PLCB1: variants seen among roughly 807,000 people sequenced by gnomAD.
The protein encoded by PLCB1 is 1-phosphatidylinositol 4,5-bisphosphate phosphodiesterase beta-1.
Under a neutral mutation model 161.8 loss-of-function variants are expected in PLCB1, and 46 were observed. The observed-to-expected ratio is 0.28, with a 90% CI of 0.22 to 0.36. PLCB1 has a LOEUF of 0.36. Among genes scored for constraint, PLCB1 ranks in the 10% least tolerant of loss-of-function variants. The pLI is 1.00. For missense variants in PLCB1, 1,016 were observed against 1,472.5 expected, an observed-to-expected ratio of 0.69 and a Z score of 5.07; for synonymous variants, 517 against 503.7, an observed-to-expected ratio of 1.03 and a Z score of -0.35.
At chr20:8,416,094 A>G (rs73897476) in intron 3 of PLCB1, among the ~76,000 whole-genome samples, 2,873 of 152,328 alleles carry the variant, frequency 0.019, 102 homozygotes, top group African/African-American at 0.066. Context: ...AGGTTAAGGA[A>G]TCTCCAAAAC....
In PLCB1 at chr20:8,883,653, C is replaced by CA. The variant is rs2146340016; in HGVS notation, c.*1808dup. On this transcript the variant is annotated 3_prime_UTR_variant, in exon 32 of 32. Transcript: ENST00000338037. ...CTAGAGATTACAATTAAATTTTAAT[C>CA]AAAATGAAGGCTTAGTTCAAACATA... is the stretch of plus-strand genomic sequence containing the variant. 6.6e-6 allele frequency: 1 copy of CA among 151,516 alleles called. No individual in the cohort carries two copies. The highest frequency in any genetic ancestry group is 2.1e-4 in the South Asian group (1 of 4,748). 9.4% of individuals were successfully genotyped at this position (151,516 alleles called of 1,614,324 possible). A position where few individuals can be genotyped will look rare whatever the true frequency, so the allele number is the denominator to read the frequency against.
chr20:8,542,910 T>G lies in PLCB1; in HGVS notation c.247-85384T>G, dbSNP rs113043700. On this transcript the variant is annotated intron_variant, in intron 3 of 31. Coordinates refer to ENST00000338037, the MANE Select transcript of PLCB1 (RefSeq NM_015192.4). ...TTCCTTATATTTAAAAGTCATTCAC[T>G]CATGTATTCATTTGGCCACAGACTA... Among the ~76,000 whole-genome samples the G allele has an allele frequency of 6.1e-3, 930 of 152,314 alleles. 8 individuals carry two copies. The highest frequency in any genetic ancestry group is 0.021 in the African/African-American group (865 of 41,570).
intron 2 of PLCB1, among the ~76,000 whole-genome samples, chr20:8,288,760 A>G (rs1374893158): frequency 2.6e-5 from 4 of 152,150 alleles, no homozygotes; most frequent in Non-Finnish European, 5.9e-5. Context: ...TGGGGCACGG[A>G]AGTACTAACT....
rs1212542325 is a variant in PLCB1 at position 8,744,773 on chromosome 20, T to G, written c.2523+3200T>G. ...TTTACTAATGGTGCTTCAGAGATCA[T>G]TTCTGTAATGACTAGGGGAAAATGT... On this transcript the variant is annotated intron_variant, in intron 23 of 31. Coordinates refer to ENST00000338037, the MANE Select transcript of PLCB1 (RefSeq NM_015192.4). Among the ~76,000 whole-genome samples, 4 of 152,192 alleles carry G rather than the reference T, an allele frequency of 2.6e-5. No individual in the cohort carries two copies. The East Asian group carries it at 7.7e-4, about 29-fold the overall frequency.
At chr20:8,721,790 C>T (rs796416824) in intron 14 of PLCB1, among the ~76,000 whole-genome samples, 7 of 152,288 alleles carry the variant, frequency 4.6e-5, no homozygotes, top group African/African-American at 1.7e-4. Flanking sequence ...GCCAAAGCCC[C>T]AGAGTTCCTG....
intron 9 of PLCB1, among the ~76,000 whole-genome samples, chr20:8,662,675 C>T (rs905007559): frequency 6.7e-6 from 1 of 149,986 alleles, no homozygotes; most frequent in African/African-American, 2.4e-5. Context: ...ATCACCTGAG[C>T]CGTTGTTAAA....
At chr20:8,373,675 G>C (rs2122352778) in intron 3 of PLCB1, among the ~76,000 whole-genome samples, 1 of 152,194 alleles carries the variant, frequency 6.6e-6, no homozygotes, top group South Asian at 2.1e-4. Context: ...CTAAATATTA[G>C]CCAATATTGT....
chr20:8,358,374 G>A (rs562756185), intron 2 of PLCB1, among the ~76,000 whole-genome samples: 2 of 152,052 alleles, frequency 1.3e-5, no homozygotes, highest in Admixed American at 6.6e-5. Context: ...TCAGCCTCCC[G>A]AGTAGCTGGG....
intron 2 of PLCB1, among the ~76,000 whole-genome samples, chr20:8,247,637 C>T (rs577859855): frequency 4.3e-4 from 65 of 150,308 alleles, no homozygotes; most frequent in African/African-American, 9.7e-4. Context: ...CACACATACA[C>T]GCAAACACAC....
Position 8,789,524 on chromosome 20 carries a change from G to T in PLCB1, c.3285G>T (p.Lys1095Asn). Residue 1095 changes from lysine to asparagine, a missense_variant, in exon 30 of 32, where the codon AAG (lysine) becomes AAT (asparagine). Around this residue, in one of 10 missense-constraint regions of PLCB1, gnomAD observed 398 missense variants for 445.4 expected, o/e 0.89. Coordinates refer to ENST00000338037, the MANE Select transcript of PLCB1 (RefSeq NM_015192.4). ...ATTCATCATTTGCTTTTAGGGAGAA[G>T]ACAGAGATGATCCGGTCATATATCC... ...SKDKSQMEEE[K>N]TEMIRSYIQE... 1 of 1,608,904 alleles carries T rather than the reference G, an allele frequency of 6.2e-7. No individual in the cohort carries two copies. The highest frequency in any genetic ancestry group is 8.5e-7 in the Non-Finnish European group (1 of 1,175,232).
At chr20:8,688,025 A>G (rs942104620) in intron 10 of PLCB1, among the ~76,000 whole-genome samples, 2 of 152,098 alleles carry the variant, frequency 1.3e-5, no homozygotes, top group Admixed American at 6.5e-5. Flanking sequence ...GATTATGGCC[A>G]TTGTTGCAAG....
At chr20:8,734,005 G>A (rs1980438547) in intron 19 of PLCB1, among the ~76,000 whole-genome samples, 1 of 149,330 alleles carries the variant, frequency 6.7e-6, no homozygotes, top group Non-Finnish European at 1.5e-5. Flanking sequence ...GCGGGCGCCT[G>A]TAGTGCCAGC....
At chr20:8,645,319 A>T (rs956657529) in intron 4 of PLCB1, among the ~76,000 whole-genome samples, 5 of 152,002 alleles carry the variant, frequency 3.3e-5, no homozygotes, top group East Asian at 1.9e-4. Flanking sequence ...AAAAATAAAA[A>T]AAATAAAGAC....
At chr20:8,789,637 T>G (rs985873622) in intron 30 of PLCB1, 62 bp downstream of exon 30, 2 of 1,181,534 alleles carry the variant, frequency 1.7e-6, no homozygotes, top group African/African-American at 1.5e-5. Flanking sequence ...GTGAGCTCGC[T>G]GTGAGCTTCT....
At chr20:8,312,296 A>T (rs113106404) in intron 2 of PLCB1, among the ~76,000 whole-genome samples, 1 of 152,076 alleles carries the variant, frequency 6.6e-6, no homozygotes, top group Non-Finnish European at 1.5e-5. Flanking sequence ...AAAAGCCTAC[A>T]GGACTATCCC....
At chr20:8,784,224 T>A (rs1983370935) in intron 27 of PLCB1, among the ~76,000 whole-genome samples, 1 of 152,096 alleles carries the variant, frequency 6.6e-6, no homozygotes, top group Non-Finnish European at 1.5e-5. Context: ...ATAAAAATAG[T>A]AAATGCCGTG....
chr20:8,212,568 T>G (rs1478932610), intron 2 of PLCB1, among the ~76,000 whole-genome samples: 1 of 152,108 alleles, frequency 6.6e-6, no homozygotes, highest in Non-Finnish European at 1.5e-5. Context: ...TCTTAATTGT[T>G]ACTGAGATTT....
At chr20:8,285,709 A>G (rs1275843081) in intron 2 of PLCB1, among the ~76,000 whole-genome samples, 1 of 152,112 alleles carries the variant, frequency 6.6e-6, no homozygotes, top group Non-Finnish European at 1.5e-5. Flanking sequence ...AAGATGAGCC[A>G]TAGTTTACTT....
chr20:8,170,643 T>C (rs73895542), intron 2 of PLCB1, among the ~76,000 whole-genome samples: 2,412 of 152,262 alleles, frequency 0.016, 52 homozygotes, highest in African/African-American at 0.053. Flanking sequence ...AAAGGGTATA[T>C]ACTTGGTACA....
Sources: allele counts gnomAD v4.1 joint callset (sites outside exome capture counted in the v4.1 genomes callset), GRCh38; gene constraint gnomAD v4.1.1; regional missense constraint gnomAD v4.1.1; transcripts MANE v1.5; gene names NCBI Gene and HGNC (gene_info 2026-07-23, HGNC 2026-07-21).